MAP2K6: variants seen among roughly 807,000 people sequenced by gnomAD.
MAP2K6 encodes mitogen-activated protein kinase kinase 6, also known as dual specificity mitogen-activated protein kinase kinase 6.
In MAP2K6, 16 loss-of-function variants were observed where a neutral mutation model predicts 53.7. That is an observed-to-expected ratio of 0.30 (90% CI 0.20 to 0.45). The LOEUF is 0.45. MAP2K6 is among the 20% of genes least tolerant of loss of function. The pLI is 1.00. For synonymous variants in MAP2K6, 132 were observed against 143.1 expected, an observed-to-expected ratio of 0.92 and a Z score of 0.55; for missense variants, 204 against 411.9, an observed-to-expected ratio of 0.50 and a Z score of 4.37.
chr17:69,480,759 T>G (rs1275712612), intron 1 of MAP2K6, among the ~76,000 whole-genome samples: 2 of 151,976 alleles, frequency 1.3e-5, no homozygotes, highest in African/African-American at 4.8e-5. Flanking sequence ...CAACCTGAAT[T>G]TGGAGGTAAT....
In MAP2K6 at chr17:69,505,006, T is replaced by C. The variant is rs1328654742; in HGVS notation, c.17-774T>C. ...TATTCTACTTCCATTGCTAACTTTGTAGTAGTTAACAGATCGATTTAGAAA... is the reference window on the plus strand; with the variant it reads ...TATTCTACTTCCATTGCTAACTTTGCAGTAGTTAACAGATCGATTTAGAAA... On this transcript the variant is annotated intron_variant, in intron 1 of 11. Coordinates refer to ENST00000590474, the MANE Select transcript of MAP2K6 (RefSeq NM_002758.4). Among the ~76,000 whole-genome samples the C allele has an allele frequency of 2.0e-5, 3 of 151,686 alleles. No individual in the cohort carries two copies. The East Asian group carries it at 5.8e-4, about 29-fold the overall frequency.
At chr17:69,482,291 G>A (rs888492342) in intron 1 of MAP2K6, among the ~76,000 whole-genome samples, 7 of 151,974 alleles carry the variant, frequency 4.6e-5, no homozygotes, top group Non-Finnish European at 8.8e-5. Flanking sequence ...GGCTTTTATG[G>A]TATGTGATTT....
intron 1 of MAP2K6, among the ~76,000 whole-genome samples, chr17:69,444,542 C>T (rs1906913079): frequency 6.6e-6 from 1 of 152,166 alleles, no homozygotes; most frequent in African/African-American, 2.4e-5. Context: ...CAGCTACCAC[C>T]AGTTCACCAA....
intron 1 of MAP2K6, among the ~76,000 whole-genome samples, chr17:69,447,453 C>T (rs1907007629): frequency 6.6e-6 from 1 of 152,058 alleles, no homozygotes; most frequent in Non-Finnish European, 1.5e-5. Flanking sequence ...TCAAGTGATT[C>T]TCCAGCCTCA....
chr17:69,500,882 T>C (rs902036678), intron 1 of MAP2K6, among the ~76,000 whole-genome samples: 4 of 152,204 alleles, frequency 2.6e-5, no homozygotes, highest in African/African-American at 4.8e-5. Flanking sequence ...TTTGGAAGAT[T>C]GGAGGATGGC....
chr17:69,510,808 T>TG (rs536698071), intron 2 of MAP2K6, among the ~76,000 whole-genome samples: 311 of 152,224 alleles, frequency 2.0e-3, no homozygotes, highest in African/African-American at 7.1e-3. Context: ...ATCCTTTTTT[T>TG]TTTTCCCTGA....
chr17:69,449,282 A>G (rs916037126), intron 1 of MAP2K6, among the ~76,000 whole-genome samples: 1 of 151,938 alleles, frequency 6.6e-6, no homozygotes, highest in Non-Finnish European at 1.5e-5. Context: ...TAAATGTTAC[A>G]TATAATATAT....
In MAP2K6 at chr17:69,510,801, C is replaced by CT. The variant is rs199517185; in HGVS notation, c.83+4966dup. ...TGGCTGCACAATCTGTTGTGACATC[C>CT]TTTTTTTTTTTCCCTGATACTGATA... On this transcript the variant is annotated intron_variant, in intron 2 of 11. Transcript: ENST00000590474. 9.8e-3 allele frequency among the ~76,000 whole-genome samples: 1,422 copies of CT among 144,872 alleles called. 28 individuals carry two copies. Among genetic ancestry groups the CT allele is most frequent in the African/African-American group, 0.034 (1,350 of 39,870 alleles).
At chr17:69,441,769 G>C (rs1906825627) in intron 1 of MAP2K6, among the ~76,000 whole-genome samples, 1 of 152,136 alleles carries the variant, frequency 6.6e-6, no homozygotes, top group Non-Finnish European at 1.5e-5. Context: ...ACACTAACCT[G>C]GTGGCTGAAA....
At chr17:69,496,153 G>T (rs1490059430) in intron 1 of MAP2K6, among the ~76,000 whole-genome samples, 2 of 151,922 alleles carry the variant, frequency 1.3e-5, no homozygotes, top group African/African-American at 4.8e-5. Flanking sequence ...CTCTTAAAAT[G>T]GGGCCATTTC....
In MAP2K6 at chr17:69,448,623, A is replaced by T. The variant is rs116366727; in HGVS notation, c.16+33623A>T. ...TTCTGCTTTTTTTTTTCTCAGCCAC[A>T]TCTCCACTCTTGACCCCCTGTGGCT... On this transcript the variant is annotated intron_variant, in intron 1 of 11. Coordinates refer to ENST00000590474, the MANE Select transcript of MAP2K6 (RefSeq NM_002758.4). 3.1e-3 allele frequency among the ~76,000 whole-genome samples: 467 copies of T among 150,344 alleles called. 6 individuals carry two copies. The highest frequency in any genetic ancestry group is 0.011 in the African/African-American group (449 of 40,924).
At chr17:69,462,633 C>A (rs1452063458) in intron 1 of MAP2K6, among the ~76,000 whole-genome samples, 1 of 152,148 alleles carries the variant, frequency 6.6e-6, no homozygotes, top group African/African-American at 2.4e-5. Flanking sequence ...GTGATTAAGT[C>A]TCGGCCTCAT....
intron 2 of MAP2K6, among the ~76,000 whole-genome samples, chr17:69,507,484 C>G (rs924470360): frequency 1.3e-5 from 2 of 152,202 alleles, no homozygotes; most frequent in African/African-American, 2.4e-5. Context: ...AAACCCACCT[C>G]TTCTCCCCAT....
At chr17:69,527,852 G>A (rs898398786) in intron 10 of MAP2K6, among the ~76,000 whole-genome samples, 4 of 152,198 alleles carry the variant, frequency 2.6e-5, no homozygotes, top group African/African-American at 9.6e-5. Flanking sequence ...CAGGGCACCC[G>A]CGCCTGTAAT....
chr17:69,499,221 G>T (rs1909061106), intron 1 of MAP2K6, among the ~76,000 whole-genome samples: 2 of 152,204 alleles, frequency 1.3e-5, no homozygotes, highest in South Asian at 4.1e-4. Context: ...GAAAGAGGGA[G>T]AATGGAGCAC....
intron 1 of MAP2K6, among the ~76,000 whole-genome samples, chr17:69,422,117 C>T (rs1436787115): frequency 2.1e-5 from 3 of 145,274 alleles, no homozygotes; most frequent in Non-Finnish European, 3.0e-5. Context: ...TATCAGAAAT[C>T]ATCGTAATTT....
intron 1 of MAP2K6, among the ~76,000 whole-genome samples, chr17:69,416,085 G>A (rs984980218): frequency 2.0e-5 from 3 of 152,090 alleles, no homozygotes; most frequent in Non-Finnish European, 4.4e-5. Context: ...TGAGAAGTAT[G>A]GGATGATGAA....
chr17:69,514,206 A>G (rs980498332), intron 2 of MAP2K6, among the ~76,000 whole-genome samples: 5 of 152,236 alleles, frequency 3.3e-5, no homozygotes, highest in Admixed American at 6.5e-5. Context: ...TTTATTTCAA[A>G]GTGCCATTAC....
At chr17:69,510,667 A>G (rs902056868) in intron 2 of MAP2K6, among the ~76,000 whole-genome samples, 1 of 152,022 alleles carries the variant, frequency 6.6e-6, no homozygotes, top group Non-Finnish European at 1.5e-5. Context: ...CTGTTTCATC[A>G]TGGCTGAGTT....
Sources: allele counts gnomAD v4.1 joint callset (sites outside exome capture counted in the v4.1 genomes callset), GRCh38; gene constraint gnomAD v4.1.1; transcripts MANE v1.5; gene names NCBI Gene and HGNC (gene_info 2026-07-23, HGNC 2026-07-21).